Variants in TTC29 observed in about 807,000 individuals in gnomAD.
TTC29 encodes tetratricopeptide repeat domain 29, also known as tetratricopeptide repeat protein 29.
In TTC29, 49 loss-of-function variants were observed where a neutral mutation model predicts 58.1. The observed-to-expected ratio is 0.84, with a 90% CI of 0.67 to 1.07. The LOEUF (loss-of-function observed/expected upper bound fraction) is 1.07, where lower values mean the gene tolerates loss of function less well. TTC29 is among the 50% of genes least tolerant of loss of function. The pLI is 0.00. For missense variants in TTC29, 582 were observed against 555.6 expected (o/e 1.05, Z -0.48); for synonymous variants, 209 against 196.8 (o/e 1.06, Z -0.52).
chr4:146,773,641 G>C (rs1305777348), intron 11 of TTC29, among the ~76,000 whole-genome samples: 2 of 152,042 alleles, frequency 1.3e-5, no homozygotes, highest in African/African-American at 4.8e-5. Flanking sequence ...TGGTTTGCTG[G>C]TATTTTGTTG....
intron 6 of TTC29, among the ~76,000 whole-genome samples, chr4:146,895,503 T>A (rs114850264): frequency 6.7e-6 from 1 of 149,874 alleles, no homozygotes; most frequent in African/African-American, 2.6e-5. Flanking sequence ...ATCCGACTGG[T>A]GAAATTCTTT....
chr4:146,796,594 AT>A (rs1749851864), intron 11 of TTC29, among the ~76,000 whole-genome samples: 2 of 152,112 alleles, frequency 1.3e-5, no homozygotes, highest in Non-Finnish European at 2.9e-5. Flanking sequence ...GGTGGGAGGC[AT>A]TTTTTAGGAT....
At position 146,748,621 on chromosome 4, in the gene TTC29, A is replaced by G. The variant is rs540359916; in HGVS notation, c.1331-41070T>C. Among the ~76,000 whole-genome samples the G allele has an allele frequency of 2.9e-3, 435 of 152,360 alleles. 3 individuals carry two copies. Among genetic ancestry groups the G allele is most frequent in the African/African-American group, 9.9e-3 (411 of 41,592 alleles). On this transcript the variant is annotated intron_variant, in intron 11 of 12. Coordinates refer to ENST00000325106, the MANE Select transcript of TTC29 (RefSeq NM_031956.4). ...CAGTCTCAACCAATGAGGCACCTGCAGTCCTCACTAACATTGAGTGCAACT... is the reference window on the plus strand; with the variant it reads ...CAGTCTCAACCAATGAGGCACCTGCGGTCCTCACTAACATTGAGTGCAACT...
At chr4:146,777,104 G>T (rs887861469) in intron 11 of TTC29, among the ~76,000 whole-genome samples, 1 of 152,218 alleles carries the variant, frequency 6.6e-6, no homozygotes, top group African/African-American at 2.4e-5. Context: ...ACAGGGGTGG[G>T]GACAGGTAGT....
In TTC29 at chr4:146,901,031, T is replaced by G. The variant is rs555941533; in HGVS notation, c.586+2513A>C. On this transcript the variant is annotated intron_variant, in intron 6 of 12. Transcript: ENST00000325106. Reference sequence around the variant, plus strand: ...TAATATGTATGATTTATTCTATGACTTCTTTTGGTGGGGGGGTCAGTAACT... The same window carrying G: ...TAATATGTATGATTTATTCTATGACGTCTTTTGGTGGGGGGGTCAGTAACT... Among the ~76,000 whole-genome samples the G allele has an allele frequency of 4.3e-5, 6 of 138,320 alleles. No homozygotes were observed. The East Asian group carries it at 1.1e-3, about 26-fold the overall frequency. The allele number at this position is 138,320 out of a possible 152,430, so 90.7% of individuals were successfully genotyped here. A position where few individuals can be genotyped will look rare whatever the true frequency, so the allele number is the denominator to read the frequency against.
intron 11 of TTC29, among the ~76,000 whole-genome samples, chr4:146,771,790 T>G (rs1434446065): frequency 6.6e-6 from 1 of 152,156 alleles, no homozygotes; most frequent in African/African-American, 2.4e-5. Flanking sequence ...ACAGGGTTTT[T>G]GGGTTGAATG....
chr4:146,921,927 C>T (rs1195013190), intron 4 of TTC29, among the ~76,000 whole-genome samples: 1 of 144,288 alleles, frequency 6.9e-6, no homozygotes. Flanking sequence ...TAAATTGATA[C>T]ATTTAGTACA....
At chr4:146,808,470 T>C (rs1435810807) in intron 10 of TTC29, among the ~76,000 whole-genome samples, 1 of 152,332 alleles carries the variant, frequency 6.6e-6, no homozygotes, top group East Asian at 1.9e-4. Flanking sequence ...GCAGATGACA[T>C]GATTATATAT....
chr4:146,827,154 G>A (rs1346513109), intron 9 of TTC29, among the ~76,000 whole-genome samples: 1 of 152,064 alleles, frequency 6.6e-6, no homozygotes, highest in Non-Finnish European at 1.5e-5. Flanking sequence ...TCCCTTGGCT[G>A]GAGGGAGGGG....
intron 11 of TTC29, among the ~76,000 whole-genome samples, chr4:146,761,328 T>G (rs559526703): frequency 6.6e-6 from 1 of 152,014 alleles, no homozygotes; most frequent in East Asian, 1.9e-4. Context: ...TTTTTTACAG[T>G]TTAGGAAGTA....
rs745837497 is a variant in TTC29 at position 146,867,545 on chromosome 4, A to C, written c.838T>G (p.Leu280Val). Residue 280 changes from leucine (L) to valine (V), a missense_variant, in exon 8 of 13, where the codon TTG (leucine) becomes GTG (valine). Physicochemically the swap from Leu to Val is conservative, Grantham distance 32. Coordinates refer to ENST00000325106, the MANE Select transcript of TTC29 (RefSeq NM_031956.4). ...KKMEAEASYY[L>V]GLAHLAAEEY... Reference sequence around the variant, plus strand: ...TCAGCAGCTAAGTGTGCTAAGCCCAAGTAGTAAGAGGCTTCCGCTTCCATC... The same window carrying C: ...TCAGCAGCTAAGTGTGCTAAGCCCACGTAGTAAGAGGCTTCCGCTTCCATC... 6.4e-7 allele frequency: 1 copy of C among 1,556,464 alleles called. No individual in the cohort carries two copies. Among genetic ancestry groups the C allele is most frequent in the South Asian group, 1.2e-5 (1 of 81,156 alleles).
At chr4:146,792,357 A>C (rs557549382) in intron 11 of TTC29, among the ~76,000 whole-genome samples, 2 of 152,332 alleles carry the variant, frequency 1.3e-5, no homozygotes, top group African/African-American at 4.8e-5. Flanking sequence ...TGCTCTATAA[A>C]TGGAACAACA....
intron 6 of TTC29, among the ~76,000 whole-genome samples, chr4:146,893,866 G>A (rs1213942668): frequency 3.9e-5 from 6 of 152,150 alleles, no homozygotes; most frequent in African/African-American, 1.4e-4. Context: ...AAAAGTGGGT[G>A]AAGGATATGA....
intron 7 of TTC29, among the ~76,000 whole-genome samples, chr4:146,871,741 GA>G (rs1361496157): frequency 6.6e-6 from 1 of 151,618 alleles, no homozygotes; most frequent in Non-Finnish European, 1.5e-5. Context: ...AAAAATCATT[GA>G]AAAAAATTAA....
intron 11 of TTC29, among the ~76,000 whole-genome samples, chr4:146,771,291 T>A (rs192318740): frequency 1.3e-5 from 2 of 152,218 alleles, no homozygotes; most frequent in Admixed American, 1.3e-4. Context: ...CAGGGGTACA[T>A]GTGCAGGTTT....
chr4:146,922,944 C>T (rs2150306823), intron 4 of TTC29, among the ~76,000 whole-genome samples: 1 of 151,906 alleles, frequency 6.6e-6, no homozygotes, highest in South Asian at 2.1e-4. Context: ...CCTACCTACC[C>T]CTTTTCCCCT....
chr4:146,867,538 A>G lies in TTC29; in HGVS notation c.845T>C (p.Leu282Ser). 6.4e-7 allele frequency: 1 copy of G among 1,557,180 alleles called. No individual in the cohort carries two copies. ...ATATTCCTCAGCAGCTAAGTGTGCT[A>G]AGCCCAAGTAGTAAGAGGCTTCCGC... ...MEAEASYYLG[L>S]AHLAAEEYET... Residue 282 changes from leucine (L) to serine (S), a missense_variant, in exon 8 of 13, where the codon TTA becomes TCA. Transcript: ENST00000325106.
chr4:146,848,531 C>A (rs947130308), intron 8 of TTC29, among the ~76,000 whole-genome samples: 1 of 152,120 alleles, frequency 6.6e-6, no homozygotes, highest in Non-Finnish European at 1.5e-5. Flanking sequence ...TTATTTTATT[C>A]TTTGCAACCA....
In TTC29 at chr4:146,723,507, G is replaced by C. The variant is rs1743534115; in HGVS notation, c.1331-15956C>G. 2.0e-5 allele frequency among the ~76,000 whole-genome samples: 3 copies of C among 152,090 alleles called. No individual in the cohort carries two copies. In the South Asian group the frequency reaches 6.2e-4, roughly 32 times the overall value. On this transcript the variant is annotated intron_variant, in intron 11 of 12. Transcript: ENST00000325106. ...GCATCTGACAAATATTTAATACCCA[G>C]AATCTATAAGGAACTTAATTAAATG...
Sources: gnomAD v4.1 joint callset for allele counts (sites outside exome capture counted in the v4.1 genomes callset) on GRCh38, gnomAD v4.1.1 for gene constraint, MANE v1.5 for transcripts, NCBI Gene and HGNC (gene_info 2026-07-23, HGNC 2026-07-21) for gene names.